FBLN1: variants seen among roughly 807,000 people sequenced by gnomAD.
The protein encoded by FBLN1 is fibulin 1.
In FBLN1, 34 loss-of-function variants were observed where a neutral mutation model predicts 89.7. The observed-to-expected ratio is 0.38, with a 90% CI of 0.29 to 0.50. The LOEUF is 0.50. FBLN1 is among the 20% of genes least tolerant of loss of function. The probability of loss-of-function intolerance (pLI) is 0.92; values close to 1 mark genes in which losing one functional copy is unlikely to be tolerated. For missense variants in FBLN1, 777 were observed against 988.1 expected, an observed-to-expected ratio of 0.79 and a Z score of 2.86; for synonymous variants, 393 against 391.3, an observed-to-expected ratio of 1.00 and a Z score of -0.05.
At position 45,583,496 on chromosome 22, in the gene FBLN1, A is replaced by G. The variant is rs1254884673; in HGVS notation, c.1972+6388A>G. ...TGAAACGATGTATGTGAAAGCTCCC[A>G]GCAGTGCCTGGCACACAGTGGGTGC... On this transcript the variant is annotated intron_variant, in intron 16 of 16. Coordinates refer to ENST00000327858, the MANE Select transcript of FBLN1 (RefSeq NM_006486.3). The surrounding 1 kb of genome is among the most constrained non-coding windows in gnomAD (Gnocchi z 4.5). 6.6e-6 allele frequency among the ~76,000 whole-genome samples: 1 copy of G among 152,254 alleles called. No individual in the cohort carries two copies. Among genetic ancestry groups the G allele is most frequent in the Admixed American group, 6.5e-5 (1 of 15,290 alleles).
At chr22:45,566,256 C>T (rs1274862707) in intron 14 of FBLN1, among the ~76,000 whole-genome samples, 1 of 152,162 alleles carries the variant, frequency 6.6e-6, no homozygotes, top group African/African-American at 2.4e-5. Flanking sequence ...AGTGACCTTC[C>T]ACAGCTTGCC....
chr22:45,541,241 G>A lies in FBLN1; in HGVS notation c.935G>A (p.Cys312Tyr). 2.5e-6 allele frequency: 4 copies of A among 1,614,266 alleles called. No individual in the cohort carries two copies. Among genetic ancestry groups the A allele is most frequent in the Non-Finnish European group, 2.5e-6 (3 of 1,180,044 alleles). Residue 312 changes from cysteine to tyrosine, a missense_variant, in exon 9 of 17, where the codon TGT (cysteine) becomes TAT (tyrosine). Physicochemically the swap from Cys to Tyr is radical, Grantham distance 194 (BLOSUM62 -2). Coordinates refer to ENST00000327858, the MANE Select transcript of FBLN1 (RefSeq NM_006486.3). ...TTTCCCGCTGTAGATATCAATGAGT[G>A]TTTGAGTATCAGTGCCCCGTGCCCT... ...ALGNCIDINE[C>Y]LSISAPCPIG...
At chr22:45,544,659 A>G (rs1986402433) in intron 11 of FBLN1, among the ~76,000 whole-genome samples, 1 of 152,226 alleles carries the variant, frequency 6.6e-6, no homozygotes, top group Admixed American at 6.5e-5. Context: ...TCTTTCTCAG[A>G]CAGGCATGTC....
chr22:45,597,143 T>C lies in FBLN1; in HGVS notation c.1973-3164T>C, dbSNP rs1259364390. On this transcript the variant is annotated intron_variant, in intron 16 of 16. Transcript: ENST00000327858. This position sits in a 1 kb window ranked among gnomAD's most constrained non-coding sequence, Gnocchi z 4.2. ...TCAGCCTCCTGAGTAGCTGGGACTA[T>C]AAGCACACACCACCATGCCTGGCTA... is the stretch of plus-strand genomic sequence containing the variant. Among the ~76,000 whole-genome samples, 1 of 151,794 alleles carries C rather than the reference T, an allele frequency of 6.6e-6. No homozygotes were observed. Among genetic ancestry groups the C allele is most frequent in the Non-Finnish European group, 1.5e-5 (1 of 67,960 alleles).
In FBLN1 at chr22:45,535,294, G is replaced by T. The variant is rs944584555; in HGVS notation, c.879G>T (p.Gln293His). ...LGSFRCRPKL[Q>H]CKSGFIQDAL... The stretch of plus-strand genomic sequence containing the variant: ...CCTTCCGCTGCCGACCCAAGCTACA[G>T]TGCAAGAGTGGCTTTATACAAGATG... Residue 293 changes from glutamine to histidine, a missense_variant, in exon 8 of 17, where the codon CAG becomes CAT. Coordinates refer to ENST00000327858, the MANE Select transcript of FBLN1 (RefSeq NM_006486.3). 6.2e-7 allele frequency: 1 copy of T among 1,613,988 alleles called. No homozygotes were observed. The highest frequency in any genetic ancestry group is 8.5e-7 in the Non-Finnish European group (1 of 1,179,964).
intron 3 of FBLN1, among the ~76,000 whole-genome samples, chr22:45,527,418 A>C (rs981361076): frequency 6.6e-5 from 10 of 152,196 alleles, no homozygotes; most frequent in African/African-American, 2.4e-4. Flanking sequence ...GGCAGCATGC[A>C]TGTGTGTCAT....
At position 45,597,921 on chromosome 22, in the gene FBLN1, T is replaced by C. The variant is rs533746023; in HGVS notation, c.1973-2386T>C. ...GGGAACGTTGTGCCCAGATTCTCTT[T>C]CTGAGCGTGAACTTGATGTTCCTGA... On this transcript the variant is annotated intron_variant, in intron 16 of 16. Transcript: ENST00000327858. This position sits in a 1 kb window ranked among gnomAD's most constrained non-coding sequence, Gnocchi z 4.2. 2.0e-5 allele frequency among the ~76,000 whole-genome samples: 3 copies of C among 152,246 alleles called. No homozygotes were observed. In the South Asian group the frequency reaches 6.2e-4, roughly 32 times the overall value.
Position 45,580,717 on chromosome 22 carries a change from T to G in FBLN1, c.1972+3609T>G, listed in dbSNP as rs918822091. On this transcript the variant is annotated intron_variant, in intron 16 of 16. Transcript: ENST00000327858. This position sits in a 1 kb window ranked among gnomAD's most constrained non-coding sequence, Gnocchi z 8.6. ...CTGTGGTGGGCTAAGTTGCTGTGAG[T>G]TTGGATGTCCCAGAAAAACAATCAG... Among the ~76,000 whole-genome samples the G allele has an allele frequency of 1.3e-5, 2 of 152,004 alleles. No homozygotes were observed. Among genetic ancestry groups the G allele is most frequent in the Non-Finnish European group, 2.9e-5 (2 of 67,966 alleles).
At chr22:45,560,852 A>G (rs1470090869) in intron 14 of FBLN1, among the ~76,000 whole-genome samples, 1 of 152,126 alleles carries the variant, frequency 6.6e-6, no homozygotes, top group African/African-American at 2.4e-5. Context: ...CAGGGGTGTT[A>G]GGGGTGGCTC....
Position 45,556,626 on chromosome 22 carries a change from C to T in FBLN1, c.1697+6011C>T, listed in dbSNP as rs1276808133. On this transcript the variant is annotated intron_variant, in intron 14 of 16. Coordinates refer to ENST00000327858, the MANE Select transcript of FBLN1 (RefSeq NM_006486.3). This position sits in a 1 kb window ranked among gnomAD's most constrained non-coding sequence, Gnocchi z 4.6. ...TTCCATGCATACTCTAACTTATCTT[C>T]ATTTTGGAGTAGTAGACTGATTTCA... is the stretch of plus-strand genomic sequence containing the variant. Among the ~76,000 whole-genome samples, 2 of 152,146 alleles carry T rather than the reference C, an allele frequency of 1.3e-5. No homozygotes were observed. The highest frequency in any genetic ancestry group is 1.3e-4 in the Admixed American group (2 of 15,272).
rs189251425 is a variant in FBLN1, at chr22:45,505,841, G to A, written c.79+2777G>A. On this transcript the variant is annotated intron_variant, in intron 1 of 16. Transcript: ENST00000327858. ...GGCTGGAGTGCAATGGCATGATCTC[G>A]ACTCACTGCAACCTCCGCCTCCCGA... Among the ~76,000 whole-genome samples, 521 of 152,148 alleles carry A rather than the reference G, an allele frequency of 3.4e-3. 1 individual carries two copies. The highest frequency in any genetic ancestry group is 6.4e-3 in the Non-Finnish European group (436 of 67,974).
intron 1 of FBLN1, among the ~76,000 whole-genome samples, chr22:45,513,505 C>T (rs1296594795): frequency 2.6e-5 from 4 of 151,680 alleles, no homozygotes; most frequent in Non-Finnish European, 5.9e-5. Flanking sequence ...TGAGCCACTG[C>T]GCCCGGCCCA....
chr22:45,528,622 G>A (rs2088363031), intron 4 of FBLN1, among the ~76,000 whole-genome samples: 1 of 152,172 alleles, frequency 6.6e-6, no homozygotes, highest in African/African-American at 2.4e-5. Context: ...TAGGATTACA[G>A]GTGTGAGCCA....
rs2088797647 is a variant in FBLN1 at position 45,557,075 on chromosome 22, GCCATT to G, written c.1697+6464_1697+6468del. 6.6e-6 allele frequency among the ~76,000 whole-genome samples: 1 copy of G among 152,134 alleles called. No individual in the cohort carries two copies. The highest frequency in any genetic ancestry group is 1.5e-5 in the Non-Finnish European group (1 of 68,040). Reference sequence around the variant, plus strand: ...GGCATTGTAATTGTGACTTCAAAAGGCCATTCCACTATCCTATCAATCTACCTGCT... The same window carrying G: ...GGCATTGTAATTGTGACTTCAAAAGGCCACTATCCTATCAATCTACCTGCT... On this transcript the variant is annotated intron_variant, in intron 14 of 16. Coordinates refer to ENST00000327858, the MANE Select transcript of FBLN1 (RefSeq NM_006486.3). This position sits in a 1 kb window ranked among gnomAD's most constrained non-coding sequence, Gnocchi z 4.9.
At chr22:45,548,570 A>G (rs769844513) in intron 12 of FBLN1, 43 bp from the exon 13 acceptor site, 20 of 1,612,006 alleles carry the variant, frequency 1.2e-5, no homozygotes, top group Non-Finnish European at 8.5e-7. Context: ...AGCCATGGCC[A>G]GGTGCCAGGA....
At position 45,533,878 on chromosome 22, in the gene FBLN1, C is replaced by G; in HGVS notation, c.764C>G (p.Thr255Arg). 6.2e-7 allele frequency: 1 copy of G among 1,614,086 alleles called. No homozygotes were observed. Among genetic ancestry groups the G allele is most frequent in the Non-Finnish European group, 8.5e-7 (1 of 1,180,020 alleles). Residue 255 changes from threonine to arginine, a missense_variant, in exon 7 of 17, where the codon ACA (threonine) becomes AGA (arginine). By Grantham distance (71) the Thr-to-Arg change is moderately conservative. Coordinates refer to ENST00000327858, the MANE Select transcript of FBLN1 (RefSeq NM_006486.3). The stretch of plus-strand genomic sequence containing the variant: ...AGCTGCGGGACTGGCTATGAGCTCA[C>G]AGAGGACAATAGCTGCAAAGGTACA... The part of the protein sequence containing the change: ...DSSCGTGYEL[T>R]EDNSCKDIDE...
At chr22:45,568,190 A>G (rs2088914538) in intron 14 of FBLN1, among the ~76,000 whole-genome samples, 1 of 152,254 alleles carries the variant, frequency 6.6e-6, no homozygotes, top group African/African-American at 2.4e-5. Flanking sequence ...TCTTTCTCAA[A>G]TTCCAGGAAA....
At chr22:45,519,547 C>T (rs1175906637) in intron 2 of FBLN1, among the ~76,000 whole-genome samples, 1 of 149,802 alleles carries the variant, frequency 6.7e-6, no homozygotes, top group Non-Finnish European at 1.5e-5. Flanking sequence ...TTGCTTGAAC[C>T]TGGGAGGCGG....
At chr22:45,547,881 C>G (rs2088652709) in intron 12 of FBLN1, among the ~76,000 whole-genome samples, 1 of 151,990 alleles carries the variant, frequency 6.6e-6, no homozygotes, top group Non-Finnish European at 1.5e-5. Context: ...GGAGGGGGCT[C>G]AGGGACCACC....
Sources: gnomAD v4.1 joint callset for allele counts (sites outside exome capture counted in the v4.1 genomes callset) on GRCh38, gnomAD v4.1.1 for gene constraint, Gnocchi (gnomAD v3.1) non-coding constraint, MANE v1.5 for transcripts, NCBI Gene and HGNC (gene_info 2026-07-23, HGNC 2026-07-21) for gene names.